Variants in SRGAP3 observed in about 807,000 individuals in gnomAD.
SRGAP3 encodes SLIT-ROBO Rho GTPase-activating protein 3.
SRGAP3 carries 39 observed loss-of-function variants against 121.1 expected under a neutral mutation model. The observed-to-expected ratio is 0.32, with a 90% CI of 0.25 to 0.42. The LOEUF (loss-of-function observed/expected upper bound fraction) is 0.42. SRGAP3 is among the 10% of genes least tolerant of loss of function. SRGAP3 has a pLI of 1.00. For missense variants in SRGAP3, 1,213 were observed against 1,470.6 expected, an observed-to-expected ratio of 0.82 and a Z score of 2.86; for synonymous variants, 601 against 570.0, an observed-to-expected ratio of 1.05 and a Z score of -0.77.
chr3:9,031,239 A>G (rs1944466163), intron 12 of SRGAP3, among the ~76,000 whole-genome samples: 1 of 152,198 alleles, frequency 6.6e-6, no homozygotes, highest in South Asian at 2.1e-4. Flanking sequence ...GAGAGTAACT[A>G]GCCCCTTCTT....
At chr3:9,284,649 A>C (rs376001452) in intron 3 of SRGAP3, among the ~76,000 whole-genome samples, 12 of 152,158 alleles carry the variant, frequency 7.9e-5, no homozygotes, top group Admixed American at 5.9e-4. Context: ...GAACAACGTG[A>C]TAAAATCCCA....
chr3:9,325,740 T>C (rs914729805), intron 3 of SRGAP3, among the ~76,000 whole-genome samples: 10 of 151,990 alleles, frequency 6.6e-5, no homozygotes, highest in Admixed American at 2.0e-4. Flanking sequence ...CTCACCTACA[T>C]TGGGCCTTCA....
intron 2 of SRGAP3, among the ~76,000 whole-genome samples, chr3:9,113,181 C>T (rs1308302618): frequency 6.6e-6 from 1 of 152,128 alleles, no homozygotes; most frequent in Non-Finnish European, 1.5e-5. Context: ...TCACACAGGA[C>T]CATAGAGTGG....
At chr3:9,223,308 T>C (rs917669654) in intron 1 of SRGAP3, among the ~76,000 whole-genome samples, 1 of 152,218 alleles carries the variant, frequency 6.6e-6, no homozygotes, top group African/African-American at 2.4e-5. Flanking sequence ...TTACAGGACA[T>C]GTCAGTAGGT....
At chr3:9,320,406 A>T (rs1955420059) in intron 3 of SRGAP3, among the ~76,000 whole-genome samples, 1 of 151,842 alleles carries the variant, frequency 6.6e-6, no homozygotes, top group Non-Finnish European at 1.5e-5. Flanking sequence ...ATGGTTTAAC[A>T]CTATCCCCTT....
intron 14 of SRGAP3, among the ~76,000 whole-genome samples, chr3:9,021,691 A>G (rs930987563): frequency 6.6e-6 from 1 of 152,242 alleles, no homozygotes; most frequent in Non-Finnish European, 1.5e-5. Context: ...ACCTCTACTC[A>G]GGAGAAGGGA....
In SRGAP3 at chr3:9,328,462, C is replaced by A. The variant is rs1325892459; in HGVS notation, n.283+2066G>T. Among the ~76,000 whole-genome samples, 7 of 152,266 alleles carry A rather than the reference C, an allele frequency of 4.6e-5. No homozygotes were observed. In the East Asian group the frequency reaches 1.3e-3, roughly 29 times the overall value. ...GTCCAGGCTGTTGGAGCTTGAATAT[C>A]CACTTTTAATTAAGCTGACTTTTTA... On this transcript the variant is annotated intron_variant and non_coding_transcript_variant, in intron 2 of 3. Coordinates refer to the SRGAP3 transcript ENST00000490889.
At chr3:9,347,762 T>C (rs1955933503) in intron 1 of SRGAP3, among the ~76,000 whole-genome samples, 1 of 152,212 alleles carries the variant, frequency 6.6e-6, no homozygotes, top group African/African-American at 2.4e-5. Flanking sequence ...GGGATTTACC[T>C]TGACAAACAA....
intron 3 of SRGAP3, among the ~76,000 whole-genome samples, chr3:9,288,635 T>G (rs1954822639): frequency 1.3e-5 from 2 of 151,616 alleles, no homozygotes; most frequent in Admixed American, 1.3e-4. Flanking sequence ...GAGTACAGTG[T>G]GTGATCAGAG....
chr3:9,349,005 C>T (rs2029907557), intron 1 of SRGAP3: 1 of 933,260 alleles, frequency 1.1e-6, no homozygotes, highest in Non-Finnish European at 1.8e-6. Flanking sequence ...GGCAACAGCC[C>T]CCCGGGCATT....
chr3:9,010,517 A>C, intron 17 of SRGAP3, 130 bp from the exon 18 acceptor site: 1 of 953,398 alleles, frequency 1.0e-6, no homozygotes. Context: ...ATACCATCCT[A>C]TCTTTTCCAT....
chr3:9,342,350 CAAA>C (rs5741610), intron 1 of SRGAP3, among the ~76,000 whole-genome samples: 2 of 144,746 alleles, frequency 1.4e-5, no homozygotes, highest in Admixed American at 6.9e-5. Flanking sequence ...GACTCCATCT[CAAA>C]AAAAAAAAAA....
intron 13 of SRGAP3, 129 bp from the exon 14 acceptor site, chr3:9,025,467 G>T (rs111845382): frequency 9.4e-7 from 1 of 1,060,642 alleles, no homozygotes; most frequent in Non-Finnish European, 1.4e-6. Flanking sequence ...TAACAGAGTC[G>T]TTCCCTATGA....
At chr3:9,191,544 ACAGGATGAGTGAGAGCTCTC>A (rs1402030564) in intron 1 of SRGAP3, among the ~76,000 whole-genome samples, 1 of 152,224 alleles carries the variant, frequency 6.6e-6, no homozygotes, top group Non-Finnish European at 1.5e-5. Context: ...TCCACACAGG[ACAGGATGAGTGAGAGCTCTC>A]CAGTTAGACT....
chr3:9,357,924 G>T (rs1033599031), intron 1 of SRGAP3, among the ~76,000 whole-genome samples: 2 of 151,454 alleles, frequency 1.3e-5, no homozygotes, highest in Admixed American at 1.3e-4. Flanking sequence ...TCCCAGACTG[G>T]AATGCAGTGG....
At chr3:9,309,741 C>T (rs1370700440) in intron 3 of SRGAP3, among the ~76,000 whole-genome samples, 2 of 152,120 alleles carry the variant, frequency 1.3e-5, no homozygotes, top group Non-Finnish European at 2.9e-5. Flanking sequence ...GACCTGTAGT[C>T]CCAGCTACTC....
intron 1 of SRGAP3, among the ~76,000 whole-genome samples, chr3:9,166,276 C>T (rs1213121367): frequency 1.3e-5 from 2 of 152,172 alleles, no homozygotes; most frequent in Admixed American, 1.3e-4. Context: ...CTCTGTAACC[C>T]CAGTACCTAA....
At chr3:9,175,769 G>C (rs530184176) in intron 1 of SRGAP3, among the ~76,000 whole-genome samples, 4 of 152,174 alleles carry the variant, frequency 2.6e-5, no homozygotes, top group Non-Finnish European at 5.9e-5. Flanking sequence ...AACCAGGTGT[G>C]GTCCTTGGGA....
intron 3 of SRGAP3, among the ~76,000 whole-genome samples, chr3:9,318,071 A>G (rs1291953967): frequency 6.6e-6 from 1 of 151,074 alleles, no homozygotes; most frequent in Non-Finnish European, 1.5e-5. Flanking sequence ...CTAATTTGAA[A>G]TCTTCTTCCC....
Sources: gnomAD v4.1 joint callset for allele counts (sites outside exome capture counted in the v4.1 genomes callset) on GRCh38, gnomAD v4.1.1 for gene constraint, MANE v1.5 for transcripts, NCBI Gene and HGNC (gene_info 2026-07-23, HGNC 2026-07-21) for gene names.